TMEM135: variants seen among roughly 807,000 people sequenced by gnomAD.
TMEM135 encodes the protein transmembrane protein 135, also known as peroxisomal membrane protein 52.
TMEM135 carries 30 observed loss-of-function variants against 60.3 expected under a neutral mutation model. That is an observed-to-expected ratio of 0.50 (90% CI 0.37 to 0.68). The LOEUF (loss-of-function observed/expected upper bound fraction) is 0.68, where lower values mean the gene tolerates loss of function less well. Among genes scored for constraint, TMEM135 ranks in the 30% least tolerant of loss-of-function variants. The pLI, the probability that TMEM135 is intolerant of heterozygous loss-of-function variation, is 0.00. For synonymous variants in TMEM135, 190 were observed against 186.7 expected (o/e 1.02, Z -0.14); for missense variants, 468 against 548.8 (o/e 0.85, Z 1.47).
intron 4 of TMEM135, among the ~76,000 whole-genome samples, chr11:87,152,748 T>A (rs1938589484): frequency 1.3e-5 from 2 of 152,342 alleles, no homozygotes; most frequent in Admixed American, 1.3e-4. Context: ...CCTTATGTTA[T>A]TTTTGAGTCT....
intron 1 of TMEM135, among the ~76,000 whole-genome samples, chr11:87,066,456 T>A (rs888689905): frequency 6.6e-6 from 1 of 152,176 alleles, no homozygotes; most frequent in Non-Finnish European, 1.5e-5. Context: ...CATATTATGA[T>A]TTATATTGCT....
intron 9 of TMEM135, among the ~76,000 whole-genome samples, chr11:87,308,060 T>G (rs1212282707): frequency 6.6e-6 from 1 of 152,204 alleles, no homozygotes; most frequent in Non-Finnish European, 1.5e-5. Context: ...AGTGTCTTGA[T>G]TACTTCCTTC....
intron 3 of TMEM135, among the ~76,000 whole-genome samples, chr11:87,077,629 T>C (rs1304291535): frequency 1.3e-5 from 2 of 152,236 alleles, no homozygotes; most frequent in African/African-American, 4.8e-5. Flanking sequence ...CAGTTCACCC[T>C]TTTGAAAACT....
chr11:87,126,011 C>G (rs921988508), intron 4 of TMEM135, among the ~76,000 whole-genome samples: 27 of 152,072 alleles, frequency 1.8e-4, no homozygotes, highest in African/African-American at 5.6e-4. Flanking sequence ...CTCACTCACC[C>G]CTTCTTGTTT....
Position 87,324,351 on chromosome 11 carries a change from G to A in TMEM135, c.*3018G>A, listed in dbSNP as rs1259372189. On this transcript the variant is annotated 3_prime_UTR_variant, in exon 15 of 15. Transcript: ENST00000305494. ...GGACTGAAGGGAACTGACCACTGGA[G>A]CAATGGCCCAAATGTTGTTTTTGGA... is the stretch of plus-strand genomic sequence containing the variant. The A allele has an allele frequency of 2.2e-6, 1 of 454,040 alleles. No homozygotes were observed. Among genetic ancestry groups the A allele is most frequent in the South Asian group, 1.6e-5 (1 of 64,478 alleles). 28.1% of individuals were successfully genotyped at this position (454,040 alleles called of 1,614,324 possible).
At chr11:87,053,451 T>G (rs1447753916) in intron 1 of TMEM135, among the ~76,000 whole-genome samples, 1 of 152,184 alleles carries the variant, frequency 6.6e-6, no homozygotes, top group Middle Eastern at 3.2e-3. Context: ...GTTTATTTAT[T>G]ATCATATTAG....
At chr11:87,039,140 G>T (rs1590971294) in intron 1 of TMEM135, among the ~76,000 whole-genome samples, 1 of 152,122 alleles carries the variant, frequency 6.6e-6, no homozygotes, top group South Asian at 2.1e-4. Context: ...AAGTAATTTA[G>T]ATTTATACCC....
At chr11:87,222,468 C>T (rs1365585242) in intron 5 of TMEM135, among the ~76,000 whole-genome samples, 2 of 144,362 alleles carry the variant, frequency 1.4e-5, no homozygotes, top group African/African-American at 5.2e-5. Flanking sequence ...CACTGCACTC[C>T]AGCCTGTGTG....
Position 87,134,324 on chromosome 11 carries a change from C to CTTAA in TMEM135, c.397-23013_397-23010dup, listed in dbSNP as rs1392424284. The stretch of plus-strand genomic sequence containing the variant: ...CCCACCCTAAAGGAGCTCGTTTTAA[C>CTTAA]TTAATTACCTCCTTAAAGATCATAT... On this transcript the variant is annotated intron_variant, in intron 4 of 14. Transcript: ENST00000305494. Among the ~76,000 whole-genome samples the CTTAA allele has an allele frequency of 2.6e-5, 4 of 152,258 alleles. No homozygotes were observed. The East Asian group carries it at 7.7e-4, about 29-fold the overall frequency.
chr11:87,256,844 T>A (rs1283006791), intron 6 of TMEM135, among the ~76,000 whole-genome samples: 1 of 151,994 alleles, frequency 6.6e-6, no homozygotes, highest in Non-Finnish European at 1.5e-5. Flanking sequence ...CCCTCACTCT[T>A]CCTCTTTTCC....
intron 3 of TMEM135, among the ~76,000 whole-genome samples, chr11:87,075,885 AG>A (rs1856860540): frequency 1.2e-4 from 13 of 106,756 alleles, no homozygotes; most frequent in Non-Finnish European, 2.0e-4. Flanking sequence ...CTAAATAAAC[AG>A]GGTCTCTCTC....
intron 6 of TMEM135, among the ~76,000 whole-genome samples, chr11:87,260,894 T>A (rs1941638532): frequency 6.6e-6 from 1 of 152,152 alleles, no homozygotes. Context: ...ATTCAGTAGG[T>A]CTGGGGTGGG....
intron 12 of TMEM135, among the ~76,000 whole-genome samples, chr11:87,317,097 A>G (rs1266709768): frequency 6.6e-6 from 1 of 152,052 alleles, no homozygotes; most frequent in East Asian, 1.9e-4. Flanking sequence ...TATTTAGTAT[A>G]TATTATGTTC....
intron 6 of TMEM135, among the ~76,000 whole-genome samples, chr11:87,288,509 G>C (rs565706681): frequency 6.6e-6 from 1 of 152,164 alleles, no homozygotes; most frequent in Non-Finnish European, 1.5e-5. Flanking sequence ...GGGCTAGTGA[G>C]ATCATTTCTC....
chr11:87,175,166 C>G (rs1458108138), intron 5 of TMEM135, among the ~76,000 whole-genome samples: 1 of 152,118 alleles, frequency 6.6e-6, no homozygotes. Context: ...TTTCAGTTCT[C>G]CAATTCCATG....
At chr11:87,074,468 T>A (rs1565429804) in intron 3 of TMEM135, among the ~76,000 whole-genome samples, 4 of 152,234 alleles carry the variant, frequency 2.6e-5, no homozygotes. Flanking sequence ...TTGAAATATG[T>A]CAGTTACATT....
intron 3 of TMEM135, among the ~76,000 whole-genome samples, chr11:87,089,506 G>T (rs1430687611): frequency 2.0e-5 from 3 of 152,002 alleles, no homozygotes; most frequent in Non-Finnish European, 4.4e-5. Flanking sequence ...CTGTACTACT[G>T]CACTCCAGCC....
chr11:87,126,166 C>G (rs188853642), intron 4 of TMEM135, among the ~76,000 whole-genome samples: 17 of 152,198 alleles, frequency 1.1e-4, no homozygotes, highest in African/African-American at 4.1e-4. Context: ...CCACTATGCC[C>G]GGCCTACAAT....
At chr11:87,280,342 C>T (rs1459500682) in intron 6 of TMEM135, among the ~76,000 whole-genome samples, 2 of 152,164 alleles carry the variant, frequency 1.3e-5, no homozygotes, top group African/African-American at 4.8e-5. Flanking sequence ...TATGTCATTC[C>T]TCTGAGTAGC....
Sources: gnomAD v4.1 joint callset for allele counts (sites outside exome capture counted in the v4.1 genomes callset) on GRCh38, gnomAD v4.1.1 for gene constraint, MANE v1.5 for transcripts, NCBI Gene and HGNC (gene_info 2026-07-23, HGNC 2026-07-21) for gene names.